The following PTPRM variants were observed in gnomAD, a reference collection of about 807,000 sequenced individuals.
The protein encoded by PTPRM is receptor-type tyrosine-protein phosphatase mu.
PTPRM carries 47 observed loss-of-function variants against 186.7 expected under a neutral mutation model. The ratio of observed to expected loss-of-function variants is 0.25; its 90% confidence interval spans 0.20 to 0.32. The LOEUF (loss-of-function observed/expected upper bound fraction) is 0.32. PTPRM is among the 10% of genes least tolerant of loss of function. The probability of loss-of-function intolerance (pLI) is 1.00; values close to 1 mark genes in which losing one functional copy is unlikely to be tolerated. For missense variants in PTPRM, 1,494 were observed against 1,865.0 expected (o/e 0.80, Z 3.66); for synonymous variants, 668 against 674.9 (o/e 0.99, Z 0.16).
chr18:7,685,075 C>T (rs2039569480), intron 1 of PTPRM, among the ~76,000 whole-genome samples: 1 of 152,146 alleles, frequency 6.6e-6, no homozygotes, highest in African/African-American at 2.4e-5. Context: ...TGATGATAGG[C>T]ACACGATTAT....
At chr18:7,884,733 A>T (rs1020182058) in intron 2 of PTPRM, among the ~76,000 whole-genome samples, 1 of 151,354 alleles carries the variant, frequency 6.6e-6, no homozygotes, top group South Asian at 2.1e-4. Context: ...GACCAGCCTG[A>T]CCAACATGGT....
At chr18:7,930,580 A>G (rs1360803938) in intron 5 of PTPRM, among the ~76,000 whole-genome samples, 1 of 152,178 alleles carries the variant, frequency 6.6e-6, no homozygotes, top group Non-Finnish European at 1.5e-5. Context: ...CCTTTAAGTA[A>G]TTCCACTCTA....
intron 1 of PTPRM, among the ~76,000 whole-genome samples, chr18:7,625,921 G>A (rs1282865439): frequency 6.6e-6 from 1 of 152,184 alleles, no homozygotes; most frequent in African/African-American, 2.4e-5. Flanking sequence ...AGTGGTCAGT[G>A]TGTGACATTG....
At chr18:7,911,104 T>C (rs1161060959) in intron 4 of PTPRM, among the ~76,000 whole-genome samples, 3 of 152,248 alleles carry the variant, frequency 2.0e-5, no homozygotes, top group Non-Finnish European at 4.4e-5. Context: ...TGTATATCAA[T>C]ATTTCACTCC....
chr18:7,893,517 A>T, intron 3 of PTPRM, among the ~76,000 whole-genome samples: 1 of 152,224 alleles, frequency 6.6e-6, no homozygotes, highest in East Asian at 1.9e-4. Flanking sequence ...GAAGAAGAAG[A>T]TCAGAGCAAA....
At chr18:7,803,972 G>T (rs944196856) in intron 2 of PTPRM, among the ~76,000 whole-genome samples, 1 of 152,188 alleles carries the variant, frequency 6.6e-6, no homozygotes, top group Non-Finnish European at 1.5e-5. Flanking sequence ...ATTACAGGCT[G>T]TTCAAGATAT....
rs1215694977 is a variant in PTPRM, at chr18:8,126,025, A to ATTTTTTTT, written c.2167+11199_2167+11200insTTTTTTTT. On this transcript the variant is annotated intron_variant, in intron 13 of 32. Transcript: ENST00000580170. Reference sequence around the variant, plus strand: ...TATATATATATATATATATATATATATATTTTAAATCAGTAGACCTTTCCA... The same window carrying ATTTTTTTT: ...TATATATATATATATATATATATATATTTTTTTTTATTTTAAATCAGTAGACCTTTCCA... Among the ~76,000 whole-genome samples the ATTTTTTTT allele has an allele frequency of 1.8e-3, 103 of 57,240 alleles. 6 individuals carry two copies. Among genetic ancestry groups the ATTTTTTTT allele is most frequent in the Non-Finnish European group, 2.3e-3 (67 of 28,724 alleles). The allele number at this position is 57,240 out of a possible 152,430, so 37.6% of individuals were successfully genotyped here. A position where few individuals can be genotyped will look rare whatever the true frequency, so the allele number is the denominator to read the frequency against.
rs1385776965 is a variant in PTPRM, at chr18:8,126,002, TATATATATATATATATATATA to T, written c.2167+11176_2167+11196del. Among the ~76,000 whole-genome samples, 51 of 18,052 alleles carry T rather than the reference TATATATATATATATATATATA, an allele frequency of 2.8e-3. 2 individuals carry two copies. The highest frequency in any genetic ancestry group is 0.019 in the Middle Eastern group (1 of 54). 11.8% of individuals were successfully genotyped at this position (18,052 alleles called of 152,430 possible). On this transcript the variant is annotated intron_variant, in intron 13 of 32. Coordinates refer to ENST00000580170, the MANE Select transcript of PTPRM (RefSeq NM_001105244.2). ...ATATATATATATATATATATATATA[TATATATATATATATATATATA>T]TATATTTTAAATCAGTAGACCTTTC...
At position 8,335,331 on chromosome 18, in the gene PTPRM, C is replaced by T. The variant is rs185687925; in HGVS notation, c.2957-8092C>T. Among the ~76,000 whole-genome samples the T allele has an allele frequency of 2.7e-3, 402 of 150,884 alleles. 1 individual carries two copies. Among genetic ancestry groups the T allele is most frequent in the African/African-American group, 9.2e-3 (379 of 41,128 alleles). On this transcript the variant is annotated intron_variant, in intron 22 of 32. Coordinates refer to ENST00000580170, the MANE Select transcript of PTPRM (RefSeq NM_001105244.2). ...AACAATGCTAGTCCTGCTACTGCGT[C>T]GCCAGTCAGACCTAAGCTCTTCCTG...
chr18:7,676,635 G>C lies in PTPRM; in HGVS notation c.74-97514G>C, dbSNP rs1285806650. On this transcript the variant is annotated intron_variant, in intron 1 of 32. Transcript: ENST00000580170. ...CAGCCAGGAGATTCTAGCTGTGTGT[G>C]TGTGTGTGTGTGTGTGTGTGTGTGT... is the stretch of plus-strand genomic sequence containing the variant. 1.5e-3 allele frequency among the ~76,000 whole-genome samples: 198 copies of C among 136,362 alleles called. 1 individual carries two copies. The highest frequency in any genetic ancestry group is 5.8e-3 in the African/African-American group (180 of 31,078). The allele number at this position is 136,362 out of a possible 152,430, so 89.5% of individuals were successfully genotyped here.
At chr18:7,832,298 G>A (rs1237779516) in intron 2 of PTPRM, among the ~76,000 whole-genome samples, 1 of 152,140 alleles carries the variant, frequency 6.6e-6, no homozygotes, top group East Asian at 1.9e-4. Flanking sequence ...GTTATTGCCT[G>A]TCTTTTGGAT....
chr18:7,771,067 T>C (rs1274266786), intron 1 of PTPRM, among the ~76,000 whole-genome samples: 2 of 152,222 alleles, frequency 1.3e-5, no homozygotes, highest in Non-Finnish European at 2.9e-5. Context: ...GTTGTATTAG[T>C]CTTCTGGGTT....
intron 2 of PTPRM, among the ~76,000 whole-genome samples, chr18:7,868,770 C>T (rs993717782): frequency 2.6e-5 from 4 of 152,226 alleles, no homozygotes; most frequent in East Asian, 1.9e-4. Context: ...CAGGCAGAAA[C>T]GTTTAAGTCT....
chr18:7,742,292 A>ATT (rs2040898965), intron 1 of PTPRM, among the ~76,000 whole-genome samples: 1 of 152,200 alleles, frequency 6.6e-6, no homozygotes, highest in Non-Finnish European at 1.5e-5. Flanking sequence ...CCAACACAGA[A>ATT]TTTTGGATGA....
At chr18:8,085,302 C>A (rs2090374463) in intron 9 of PTPRM, among the ~76,000 whole-genome samples, 1 of 151,994 alleles carries the variant, frequency 6.6e-6, no homozygotes. Flanking sequence ...AAAGATGAGG[C>A]CTTATCCTTG....
chr18:7,573,549 G>A (rs960269871), intron 1 of PTPRM, among the ~76,000 whole-genome samples: 5 of 152,020 alleles, frequency 3.3e-5, no homozygotes, highest in African/African-American at 7.3e-5. Context: ...TTGAAGAAAC[G>A]TTGTCCTGAA....
intron 14 of PTPRM, among the ~76,000 whole-genome samples, chr18:8,220,284 A>G (rs1206050356): frequency 6.6e-6 from 1 of 152,198 alleles, no homozygotes; most frequent in African/African-American, 2.4e-5. Flanking sequence ...GTGCTTCTGA[A>G]TTTATGTCCT....
chr18:8,008,931 A>G (rs909556804), intron 7 of PTPRM, among the ~76,000 whole-genome samples: 7 of 152,188 alleles, frequency 4.6e-5, no homozygotes, highest in African/African-American at 1.7e-4. Context: ...GCTTAATAAC[A>G]CTGTAAGGAG....
intron 23 of PTPRM, among the ~76,000 whole-genome samples, chr18:8,358,055 A>T: frequency 6.6e-6 from 1 of 152,158 alleles, no homozygotes; most frequent in East Asian, 1.9e-4. Flanking sequence ...TGTAAACTTT[A>T]TTCTGATAGT....
Sources: allele counts gnomAD v4.1 joint callset (sites outside exome capture counted in the v4.1 genomes callset), GRCh38; gene constraint gnomAD v4.1.1; transcripts MANE v1.5; gene names NCBI Gene and HGNC (gene_info 2026-07-23, HGNC 2026-07-21).